Variants in FNDC3A observed in about 807,000 individuals in gnomAD.
The protein encoded by FNDC3A is fibronectin type III domain containing 3A, also known as fibronectin type-III domain-containing protein 3A.
In FNDC3A, 32 loss-of-function variants were observed where a neutral mutation model predicts 148.9. The observed-to-expected ratio is 0.21, with a 90% CI of 0.16 to 0.29. The LOEUF (loss-of-function observed/expected upper bound fraction) is 0.29, where lower values mean the gene tolerates loss of function less well. Ranked by LOEUF, FNDC3A falls within the 10% of genes least tolerant of loss-of-function variation. The probability of loss-of-function intolerance (pLI) is 1.00; values close to 1 mark genes in which losing one functional copy is unlikely to be tolerated. For synonymous variants in FNDC3A, 472 were observed against 473.6 expected (o/e 1.00, Z 0.04); for missense variants, 1,191 against 1,452.8 (o/e 0.82, Z 2.93).
rs1030400585 is a variant in FNDC3A, at chr13:49,181,066, G to A, written c.1617+2412G>A. On this transcript the variant is annotated intron_variant, in intron 14 of 25. Transcript: ENST00000492622. The stretch of plus-strand genomic sequence containing the variant: ...ACTGCACTCCAGCCTAGGCAGCAGA[G>A]CAAGACCCCATCTCTTAATAATATT... Among the ~76,000 whole-genome samples, 8 of 152,224 alleles carry A rather than the reference G, an allele frequency of 5.3e-5. No individual in the cohort carries two copies. The East Asian group carries it at 1.5e-3, about 29-fold the overall frequency.
chr13:49,043,997 A>G (rs888811167), intron 2 of FNDC3A: 3 of 152,342 alleles, frequency 2.0e-5, no homozygotes, highest in African/African-American at 4.8e-5. Flanking sequence ...CCAGAAAAGC[A>G]TATTAACTCT....
At chr13:49,110,303 A>C in intron 3 of FNDC3A, 1 of 1,501,194 alleles carries the variant, frequency 6.7e-7, no homozygotes, top group Non-Finnish European at 8.9e-7. Context: ...AGCCTTGCAA[A>C]AAAAAAAAAA....
chr13:49,008,777 G>A (rs1224030507), intron 2 of FNDC3A, among the ~76,000 whole-genome samples: 1 of 151,990 alleles, frequency 6.6e-6, no homozygotes, highest in African/African-American at 2.4e-5. Context: ...TATTCATTTT[G>A]ACAAGCAGCT....
intron 1 of FNDC3A, among the ~76,000 whole-genome samples, chr13:48,985,195 A>G (rs916640598): frequency 2.0e-5 from 3 of 152,244 alleles, no homozygotes; most frequent in African/African-American, 7.2e-5. Context: ...CTACAAATCA[A>G]TATGAAAAAG....
chr13:49,159,079 C>T (rs1374446212), intron 8 of FNDC3A, among the ~76,000 whole-genome samples: 1 of 152,140 alleles, frequency 6.6e-6, no homozygotes, highest in East Asian at 1.9e-4. Flanking sequence ...GTTCTTTTGG[C>T]TTAGGATTGT....
chr13:49,006,084 T>TG (rs1318553920), intron 1 of FNDC3A, 68 bp from the exon 2 acceptor site: 1 of 534,788 alleles, frequency 1.9e-6, no homozygotes, highest in East Asian at 3.1e-5. Flanking sequence ...TGAAACATCT[T>TG]GAATGTACAA....
chr13:49,118,466 T>C (rs1027900392), intron 4 of FNDC3A, among the ~76,000 whole-genome samples: 2 of 152,192 alleles, frequency 1.3e-5, no homozygotes, highest in Admixed American at 6.5e-5. Flanking sequence ...AAGAGCTTTT[T>C]TTCATATTCC....
chr13:49,198,656 G>C (rs549678858), intron 23 of FNDC3A, 82 bp downstream of exon 23: 33 of 1,149,152 alleles, frequency 2.9e-5, no homozygotes, highest in Non-Finnish European at 3.3e-5. Context: ...AGTAGGCCAG[G>C]TGTGGTGGCT....
chr13:48,975,725 G>A (rs1951584939), upstream of FNDC3A: 2 of 152,188 alleles, frequency 1.3e-5, no homozygotes, highest in Admixed American at 6.5e-5. Context: ...AGCCCGAGAG[G>A]GTGTGGGCGC....
At chr13:49,027,594 A>G (rs9562866) in intron 2 of FNDC3A, among the ~76,000 whole-genome samples, 100,504 of 151,976 alleles carry the variant, frequency 0.66, 33,394 homozygotes, top group Admixed American at 0.69. Context: ...TGAGGTTAGA[A>G]AAGCAGTGTT....
At chr13:49,196,742 A>C (rs1475140336) in intron 19 of FNDC3A, 135 bp from the exon 20 acceptor site, 3 of 510,072 alleles carry the variant, frequency 5.9e-6, no homozygotes, top group Admixed American at 7.4e-5. Flanking sequence ...GTGAATACTT[A>C]TAGAATTATG....
intron 1 of FNDC3A, among the ~76,000 whole-genome samples, chr13:48,986,538 A>G (rs1357373179): frequency 2.0e-5 from 3 of 151,426 alleles, no homozygotes. Context: ...TGGGACCAGA[A>G]GCACGTGCCA....
intron 3 of FNDC3A, chr13:49,110,223 C>G (rs530837973): frequency 1.9e-5 from 13 of 692,422 alleles, no homozygotes; most frequent in East Asian, 6.4e-5. Flanking sequence ...TCCCCCTTGC[C>G]CTTTCCTGGG....
chr13:49,052,337 G>C (rs1243891297), intron 2 of FNDC3A, among the ~76,000 whole-genome samples: 1 of 152,160 alleles, frequency 6.6e-6, no homozygotes, highest in Non-Finnish European at 1.5e-5. Context: ...TGAGATTCAA[G>C]AGTTGCTGTT....
chr13:49,070,392 G>A (rs1433443974), intron 2 of FNDC3A, among the ~76,000 whole-genome samples: 1 of 151,856 alleles, frequency 6.6e-6, no homozygotes, highest in Non-Finnish European at 1.5e-5. Context: ...CCAGAATATT[G>A]TTTCAACATG....
rs568057386 is a variant in FNDC3A, at chr13:49,096,724, G to A, written c.176-17931G>A. On this transcript the variant is annotated intron_variant, in intron 3 of 25. Coordinates refer to ENST00000492622, the MANE Select transcript of FNDC3A (RefSeq NM_001079673.2). ...CAGTTATTTGAAAGACTTAGGCCTTGCCTCACAGCCTAGTACAACAGACAG... is the reference window on the plus strand; with the variant it reads ...CAGTTATTTGAAAGACTTAGGCCTTACCTCACAGCCTAGTACAACAGACAG... Among the ~76,000 whole-genome samples the A allele has an allele frequency of 9.2e-5, 14 of 152,158 alleles. No homozygotes were observed. In the South Asian group the frequency reaches 2.7e-3, roughly 29 times the overall value.
intron 4 of FNDC3A, among the ~76,000 whole-genome samples, chr13:49,119,334 C>T (rs778192300): frequency 6.6e-6 from 1 of 152,102 alleles, no homozygotes; most frequent in Non-Finnish European, 1.5e-5. Flanking sequence ...CACACAGAAA[C>T]CCCATCCGAA....
At chr13:49,203,993 A>G (rs1295522265) in intron 25 of FNDC3A, among the ~76,000 whole-genome samples, 2 of 152,206 alleles carry the variant, frequency 1.3e-5, no homozygotes, top group African/African-American at 4.8e-5. Flanking sequence ...TCACGTGATC[A>G]GACACAACGT....
intron 8 of FNDC3A, among the ~76,000 whole-genome samples, chr13:49,165,027 A>G (rs556167622): frequency 2.6e-4 from 39 of 152,220 alleles, no homozygotes; most frequent in African/African-American, 8.9e-4. Context: ...GTTCTTTCTT[A>G]TAATTATGTT....
Sources: gnomAD v4.1 joint callset for allele counts (sites outside exome capture counted in the v4.1 genomes callset) on GRCh38, gnomAD v4.1.1 for gene constraint, MANE v1.5 for transcripts, NCBI Gene and HGNC (gene_info 2026-07-23, HGNC 2026-07-21) for gene names.